OPN5: variants seen among roughly 807,000 people sequenced by gnomAD.
OPN5 encodes opsin-5.
Under a neutral mutation model 41.7 loss-of-function variants are expected in OPN5, and 18 were observed. The observed-to-expected ratio is 0.43, with a 90% CI of 0.30 to 0.64. The LOEUF is 0.64. Ranked by LOEUF, OPN5 falls within the 30% of genes least tolerant of loss-of-function variation. OPN5 has a pLI of 0.13. For synonymous variants in OPN5, 178 were observed against 164.3 expected (o/e 1.08, Z -0.64); for missense variants, 318 against 434.5 (o/e 0.73, Z 2.38).
At chr6:47,824,738 T>C (rs1305092757), downstream of OPN5, 1 of 152,176 alleles carries the variant, frequency 6.6e-6, no homozygotes, top group Non-Finnish European at 1.5e-5. Context: ...TGTGTATGTG[T>C]TTTTTTCCTA....
Position 47,808,163 on chromosome 6 carries a change from T to C in OPN5, c.766T>C (p.Leu256=), listed in dbSNP as rs771424319. 1.3e-5 allele frequency: 21 copies of C among 1,613,980 alleles called. No homozygotes were observed. The South Asian group carries it at 2.2e-4, about 17-fold the overall frequency. The change falls in exon 5 of 7, where the codon TTG becomes CTG. Residue 256 remains leucine, a synonymous_variant. Coordinates refer to ENST00000371211, the Ensembl canonical transcript of OPN5. ...TGCTTTCCCTCATCAGGTAGCGATGTTGATTTGTGCTGGATTCCTGATTGC... is the reference window on the plus strand; with the variant it reads ...TGCTTTCCCTCATCAGGTAGCGATGCTGATTTGTGCTGGATTCCTGATTGC...
chr6:47,793,236 C>T (rs1446350070), intron 3 of OPN5, among the ~76,000 whole-genome samples: 1 of 151,818 alleles, frequency 6.6e-6, no homozygotes, highest in Non-Finnish European at 1.5e-5. Context: ...AATACTAAAC[C>T]CTGATACCTC....
chr6:47,808,766 C>G (rs1446910394), intron 5 of OPN5, among the ~76,000 whole-genome samples: 1 of 148,784 alleles, frequency 6.7e-6, no homozygotes, highest in Non-Finnish European at 1.5e-5. Flanking sequence ...GAATGGTTCT[C>G]TTGTCTGGCA....
intron 6 of OPN5, among the ~76,000 whole-genome samples, chr6:47,821,759 C>T (rs1170975201): frequency 1.3e-5 from 2 of 152,078 alleles, no homozygotes; most frequent in Admixed American, 6.6e-5. Flanking sequence ...AATCATTGGG[C>T]CCCACTCACA....
At chr6:47,791,197 C>A (rs1381055668) in intron 2 of OPN5, among the ~76,000 whole-genome samples, 1 of 151,832 alleles carries the variant, frequency 6.6e-6, no homozygotes, top group East Asian at 1.9e-4. Context: ...AAAAACAAAT[C>A]TATTAATAAC....
chr6:47,823,853 A>G, intron 6 of OPN5, 130 bp from the exon 7 acceptor site: 1 of 724,776 alleles, frequency 1.4e-6, no homozygotes, highest in Non-Finnish European at 2.5e-6. Flanking sequence ...TCTCAGTGAC[A>G]ATGTCCATCG....
chr6:47,818,212 G>T (rs1762488066), intron 6 of OPN5, among the ~76,000 whole-genome samples: 1 of 152,116 alleles, frequency 6.6e-6, no homozygotes, highest in African/African-American at 2.4e-5. Flanking sequence ...GGGGGAAAAA[G>T]CACCTAATCC....
chr6:47,819,265 A>C (rs552736620), intron 6 of OPN5, among the ~76,000 whole-genome samples: 1 of 145,872 alleles, frequency 6.9e-6, no homozygotes, highest in South Asian at 2.2e-4. Context: ...GGACACCCTA[A>C]ATTTACTGGG....
rs2114002467 is a variant in OPN5 at position 47,815,672 on chromosome 6, A to G, written c.1056+3941A>G. ...GTTAAAATGGGGCAAAAGGCAAGAAATATAAGACCCACAGGGAATTTGCTA... is the reference window on the plus strand; with the variant it reads ...GTTAAAATGGGGCAAAAGGCAAGAAGTATAAGACCCACAGGGAATTTGCTA... On this transcript the variant is annotated intron_variant, in intron 6 of 6. Transcript: ENST00000371211. Among the ~76,000 whole-genome samples, 3 of 152,232 alleles carry G rather than the reference A, an allele frequency of 2.0e-5. 1 individual carries two copies. In the East Asian group the frequency reaches 5.8e-4, roughly 29 times the overall value.
At position 47,819,399 on chromosome 6, in the gene OPN5, T is replaced by TATAA. The variant is rs1484297411; in HGVS notation, c.1057-4583_1057-4582insTAAA. ...GTAGAAATATATATATATATATATA[T>TATAA]AAAACAGTATAAGTAAAAATGTGAT... On this transcript the variant is annotated intron_variant, in intron 6 of 6. Transcript: ENST00000371211. 7.7e-4 allele frequency among the ~76,000 whole-genome samples: 99 copies of TATAA among 128,632 alleles called. 1 individual carries two copies. Among genetic ancestry groups the TATAA allele is most frequent in the African/African-American group, 2.5e-3 (88 of 35,856 alleles). 84.4% of individuals were successfully genotyped at this position (128,632 alleles called of 152,430 possible).
intron 1 of OPN5, among the ~76,000 whole-genome samples, chr6:47,784,360 G>A (rs926473616): frequency 3.3e-5 from 5 of 151,804 alleles, no homozygotes; most frequent in East Asian, 1.9e-4. Flanking sequence ...GCAGTGGTGC[G>A]ATCTCGGCTC....
chr6:47,795,778 T>TCTCACACACA (rs766899041), intron 4 of OPN5, among the ~76,000 whole-genome samples: 3 of 142,804 alleles, frequency 2.1e-5, no homozygotes, highest in Non-Finnish European at 3.0e-5. Context: ...TCTCTCTCTC[T>TCTCACACACA]CACACACACA....
At chr6:47,795,447 G>C in exon 4 of OPN5, 1 of 1,614,136 alleles carries the variant, frequency 6.2e-7, no homozygotes, top group Non-Finnish European at 8.5e-7. Context: ...CCCAACGGCT[G>C]TGATCGTGTT....
chr6:47,806,765 G>A (rs1773982562), intron 4 of OPN5, among the ~76,000 whole-genome samples: 1 of 152,108 alleles, frequency 6.6e-6, no homozygotes, highest in Non-Finnish European at 1.5e-5. Flanking sequence ...ATTGCTCACT[G>A]GTTCCTATAC....
chr6:47,802,345 T>C (rs966263968), intron 4 of OPN5, among the ~76,000 whole-genome samples: 4 of 152,146 alleles, frequency 2.6e-5, no homozygotes, highest in African/African-American at 9.7e-5. Context: ...AGCTTCCCAG[T>C]GTTACTTTGT....
At chr6:47,808,261 T>A (rs147350860) in exon 5 of OPN5, 1 of 1,614,096 alleles carries the variant, frequency 6.2e-7, no homozygotes. Flanking sequence ...TACAGCTCTC[T>A]GTGGTGCCAA....
chr6:47,783,417 T>G (rs1380238554), intron 1 of OPN5, among the ~76,000 whole-genome samples: 1 of 152,064 alleles, frequency 6.6e-6, no homozygotes, highest in African/African-American at 2.4e-5. Flanking sequence ...TTTTTCTCCC[T>G]CTCTCATCTA....
chr6:47,795,326 C>T (rs374382190), exon 4 of OPN5: 3 of 1,614,134 alleles, frequency 1.9e-6, no homozygotes, highest in African/African-American at 2.7e-5. Context: ...GTCTGGGGGA[C>T]TACGTACCTG....
chr6:47,813,437 C>A (rs576265254), intron 6 of OPN5, among the ~76,000 whole-genome samples: 2 of 152,268 alleles, frequency 1.3e-5, no homozygotes, highest in South Asian at 2.1e-4. Context: ...CCCTGGGTAC[C>A]AACAACTGCT....
Sources: gnomAD v4.1 joint callset for allele counts (sites outside exome capture counted in the v4.1 genomes callset) on GRCh38, gnomAD v4.1.1 for gene constraint, MANE v1.5 for transcripts, NCBI Gene and HGNC (gene_info 2026-07-23, HGNC 2026-07-21) for gene names.